DIAPH2: variants seen among roughly 807,000 people sequenced by gnomAD.
The protein encoded by DIAPH2 is diaphanous related formin 2.
A neutral mutation model predicts 92.7 loss-of-function variants in DIAPH2; 35 were observed. The observed-to-expected ratio is 0.38, with a 90% CI of 0.29 to 0.50. DIAPH2 has a LOEUF of 0.50. Among genes scored for constraint, DIAPH2 ranks in the 20% least tolerant of loss-of-function variants. The probability of loss-of-function intolerance (pLI) is 0.94; values close to 1 mark genes in which losing one functional copy is unlikely to be tolerated. For synonymous variants in DIAPH2, 301 were observed against 280.4 expected (o/e 1.07, Z -0.73); for missense variants, 701 against 819.5 (o/e 0.86, Z 1.77).
At chrX:97,300,080 G>A (rs1337807981) in intron 23 of DIAPH2, among the ~76,000 whole-genome samples, 9 of 112,107 alleles carry the variant, frequency 8.0e-5, no homozygotes, top group South Asian at 3.7e-4. Context: ...CCAGTTGTGC[G>A]TTGTAAGACT....
intron 26 of DIAPH2, among the ~76,000 whole-genome samples, chrX:97,579,486 G>A (rs757185379): frequency 1.4e-4 from 15 of 110,949 alleles, no homozygotes; most frequent in Admixed American, 6.7e-4. Context: ...GTAGATAGGC[G>A]GCGTTATTTC....
intron 23 of DIAPH2, among the ~76,000 whole-genome samples, chrX:97,250,931 A>C (rs2068183595): frequency 8.9e-6 from 1 of 111,823 alleles, no homozygotes; most frequent in Non-Finnish European, 1.9e-5. Context: ...ATCAGAAAAA[A>C]CATAGACAAA....
chrX:97,372,963 G>A (rs2147720349), intron 24 of DIAPH2, among the ~76,000 whole-genome samples: 1 of 109,720 alleles, frequency 9.1e-6, no homozygotes, highest in African/African-American at 3.3e-5. Flanking sequence ...GGCAACAAGA[G>A]CGAAACTCCG....
chrX:96,742,620 T>C (rs959825255), intron 3 of DIAPH2, among the ~76,000 whole-genome samples: 1 of 111,353 alleles, frequency 9.0e-6, no homozygotes, highest in African/African-American at 3.3e-5. Context: ...ACTCATGCCT[T>C]TTATTTTATT....
At chrX:96,710,519 G>C (rs1223811290) in intron 1 of DIAPH2, among the ~76,000 whole-genome samples, 1 of 110,989 alleles carries the variant, frequency 9.0e-6, no homozygotes, top group African/African-American at 3.3e-5. Flanking sequence ...TTCTATATTT[G>C]TGTTGATTGC....
intron 26 of DIAPH2, among the ~76,000 whole-genome samples, chrX:97,590,797 A>G: frequency 8.9e-6 from 1 of 111,979 alleles, no homozygotes; most frequent in Non-Finnish European, 1.9e-5. Flanking sequence ...CTTCAACAAT[A>G]GAACCTCTTC....
At chrX:97,102,620 G>A (rs1051030886) in intron 20 of DIAPH2, among the ~76,000 whole-genome samples, 1 of 111,807 alleles carries the variant, frequency 8.9e-6, no homozygotes, top group Admixed American at 9.5e-5. Flanking sequence ...AACCCTACGA[G>A]TTTGGCACTA....
At chrX:96,836,711 ATATATATTTTTTTTT>A (rs1371963245) in intron 4 of DIAPH2, among the ~76,000 whole-genome samples, 26 of 24,232 alleles carry the variant, frequency 1.1e-3, no homozygotes, top group African/African-American at 4.2e-3. Flanking sequence ...ATATATATAT[ATATATATTTTTTTTT>A]TTTTTTTTTT....
intron 25 of DIAPH2, among the ~76,000 whole-genome samples, chrX:97,421,135 T>G (rs934008614): frequency 8.9e-6 from 1 of 112,096 alleles, no homozygotes; most frequent in African/African-American, 3.2e-5. Context: ...ATTGACACAG[T>G]GCTTTGCCAA....
intron 26 of DIAPH2, among the ~76,000 whole-genome samples, chrX:97,497,333 T>G (rs940186262): frequency 9.0e-6 from 1 of 111,130 alleles, no homozygotes; most frequent in Non-Finnish European, 1.9e-5. Context: ...ATCTCTGGCC[T>G]GTGTGTGCTG....
At chrX:97,290,386 C>G (rs982773279) in intron 23 of DIAPH2, among the ~76,000 whole-genome samples, 1 of 111,431 alleles carries the variant, frequency 9.0e-6, no homozygotes, top group African/African-American at 3.3e-5. Flanking sequence ...GCGGGCAAAG[C>G]TGGAGAGGTA....
At chrX:97,522,275 T>A (rs758674136) in intron 26 of DIAPH2, among the ~76,000 whole-genome samples, 1 of 112,237 alleles carries the variant, frequency 8.9e-6, no homozygotes, top group East Asian at 2.8e-4. Context: ...TTACTCTCTA[T>A]ACAGAACTTA....
At chrX:97,086,727 A>G (rs2066785870) in intron 19 of DIAPH2, among the ~76,000 whole-genome samples, 1 of 111,643 alleles carries the variant, frequency 9.0e-6, no homozygotes, top group Non-Finnish European at 1.9e-5. Flanking sequence ...AAACTAAAGT[A>G]AGCTTTATAA....
Position 96,735,805 on chromosome X carries a change from G to A in DIAPH2, c.165+15G>A, listed in dbSNP as rs909107557. On this transcript the variant is annotated intron_variant, in intron 2 of 26. Transcript: ENST00000324765. ...CAGATGATGTGGTAAGGTGGTCTTA[G>A]CATGTTATTACATTACTTATGCATG... 2 of 986,512 alleles carry A rather than the reference G, an allele frequency of 2.0e-6. No homozygotes were observed. The highest frequency in any genetic ancestry group is 2.8e-6 in the Non-Finnish European group (2 of 717,812). The allele number at this position is 986,512 out of a possible 1,213,427, so 81.3% of individuals were successfully genotyped here.
At chrX:97,564,745 G>A (rs1213730428) in intron 26 of DIAPH2, among the ~76,000 whole-genome samples, 1 of 111,729 alleles carries the variant, frequency 9.0e-6, no homozygotes, top group East Asian at 2.8e-4. Context: ...TGGGGAAAGG[G>A]AAGTACCATA....
intron 4 of DIAPH2, among the ~76,000 whole-genome samples, chrX:96,862,020 C>T (rs1015591737): frequency 8.1e-5 from 9 of 111,695 alleles, no homozygotes; most frequent in African/African-American, 2.9e-4. Flanking sequence ...ATTAGACATT[C>T]CTTCTCCTAC....
Position 97,348,126 on chromosome X carries a change from A to T in DIAPH2, c.2855A>T (p.Lys952Met). ...KFVEKMTSFT[K>M]TAREQYEKLS... ...TTAACAAAAAGCTACAGCTTTACAA[A>T]GACTGCCCGAGAACAGTATGAAAAA... is the stretch of plus-strand genomic sequence containing the variant. Residue 952 changes from lysine to methionine, a missense_variant, in exon 24 of 27, where the codon AAG becomes ATG. Transcript: ENST00000324765. 1 of 1,211,099 alleles carries T rather than the reference A, an allele frequency of 8.3e-7. No individual in the cohort carries two copies. The highest frequency in any genetic ancestry group is 1.1e-6 in the Non-Finnish European group (1 of 895,188).
At chrX:96,927,038 C>G (rs2065586698) in intron 9 of DIAPH2, among the ~76,000 whole-genome samples, 1 of 110,932 alleles carries the variant, frequency 9.0e-6, no homozygotes, top group African/African-American at 3.3e-5. Context: ...TTTCTAAGAT[C>G]AGGAGAAATG....
chrX:96,749,128 G>GAAAAA (rs759288156), intron 3 of DIAPH2, among the ~76,000 whole-genome samples: 1 of 55,618 alleles, frequency 1.8e-5, no homozygotes, highest in Non-Finnish European at 3.1e-5. Flanking sequence ...TACCCCATCA[G>GAAAAA]AAAAAAAAAA....
Sources: allele counts gnomAD v4.1 joint callset (sites outside exome capture counted in the v4.1 genomes callset), GRCh38; gene constraint gnomAD v4.1.1; transcripts MANE v1.5; gene names NCBI Gene and HGNC (gene_info 2026-07-23, HGNC 2026-07-21).